The following ME1 variants were observed in gnomAD, a reference collection of about 807,000 sequenced individuals.
The protein encoded by ME1 is NADP-dependent malic enzyme.
In ME1, 74 loss-of-function variants were observed where a neutral mutation model predicts 66.4. The ratio of observed to expected loss-of-function variants is 1.11; its 90% CI spans 0.92 to 1.35. The LOEUF is 1.35. Ranked by LOEUF, ME1 falls within the 40% of genes most tolerant of loss-of-function variation. The probability of loss-of-function intolerance (pLI) is 0.00; values close to 1 mark genes in which losing one functional copy is unlikely to be tolerated. For synonymous variants in ME1, 251 were observed against 235.6 expected (o/e 1.07, Z -0.60); for missense variants, 750 against 694.1 (o/e 1.08, Z -0.90).
rs534441170 is a variant in ME1, at chr6:83,376,057, T to C, written c.362+22310A>G. Reference sequence around the variant, plus strand: ...TATATTATACTGCTTTATTACAAATTAACAAATGAGAAACAATTATCTTGT... The same window carrying C: ...TATATTATACTGCTTTATTACAAATCAACAAATGAGAAACAATTATCTTGT... On this transcript the variant is annotated intron_variant, in intron 3 of 13. Transcript: ENST00000369705. 3.9e-5 allele frequency among the ~76,000 whole-genome samples: 6 copies of C among 152,326 alleles called. No homozygotes were observed. The South Asian group carries it at 1.2e-3, about 32-fold the overall frequency.
At chr6:83,250,161 A>G (rs1790697929) in intron 7 of ME1, among the ~76,000 whole-genome samples, 1 of 150,798 alleles carries the variant, frequency 6.6e-6, no homozygotes. Context: ...GTTCTCTACA[A>G]TAGTTCTTTC....
chr6:83,287,911 T>A (rs1292415101), intron 6 of ME1, among the ~76,000 whole-genome samples: 2 of 152,230 alleles, frequency 1.3e-5, no homozygotes, highest in Non-Finnish European at 2.9e-5. Flanking sequence ...CCAGTTATAA[T>A]GAGCATTTTT....
intron 1 of ME1, among the ~76,000 whole-genome samples, chr6:83,429,588 A>G (rs537224487): frequency 6.6e-6 from 1 of 152,322 alleles, no homozygotes; most frequent in African/African-American, 2.4e-5. Context: ...TAGCAATTAA[A>G]TTTATTTTAA....
rs982998498 is a variant in ME1 at position 83,253,550 on chromosome 6, A to G, written c.814+79T>C. ...TTTAAAAGGTACTCAGTATATATTG[A>G]TTGAATTTGAATCATTATTACAATT... is the stretch of plus-strand genomic sequence containing the variant. On this transcript the variant is annotated intron_variant, in intron 7 of 13. Transcript: ENST00000369705. 7 of 758,466 alleles carry G rather than the reference A, an allele frequency of 9.2e-6. No individual in the cohort carries two copies. In the Admixed American group the frequency reaches 1.3e-4, roughly 14 times the overall value. 47.0% of individuals were successfully genotyped at this position (758,466 alleles called of 1,614,324 possible). A position where few individuals can be genotyped will look rare whatever the true frequency, so the allele number is the denominator to read the frequency against.
chr6:83,391,948 C>T (rs1379771424), intron 3 of ME1, among the ~76,000 whole-genome samples: 1 of 152,236 alleles, frequency 6.6e-6, no homozygotes, highest in Non-Finnish European at 1.5e-5. Flanking sequence ...TTTTCCTGTT[C>T]TCTTTCTCCA....
At chr6:83,342,127 T>G (rs1187938927) in intron 5 of ME1, among the ~76,000 whole-genome samples, 1 of 152,140 alleles carries the variant, frequency 6.6e-6, no homozygotes, top group Non-Finnish European at 1.5e-5. Flanking sequence ...TCAGACTGAT[T>G]GCAGGCCACC....
chr6:83,388,091 C>CTTTCTTTTTTTTTTT (rs71545856), intron 3 of ME1, among the ~76,000 whole-genome samples: 72 of 133,400 alleles, frequency 5.4e-4, no homozygotes, highest in African/African-American at 1.9e-3. Context: ...TCCTTCCTTC[C>CTTTCTTTTTTTTTTT]TTTTTTTTTT....
At chr6:83,225,106 G>T (rs756308137) in intron 11 of ME1, among the ~76,000 whole-genome samples, 3 of 150,966 alleles carry the variant, frequency 2.0e-5, no homozygotes, top group Middle Eastern at 3.4e-3. Flanking sequence ...GGAAGCTGAG[G>T]CAGGAGAACT....
At chr6:83,386,822 T>G (rs1769512386) in intron 3 of ME1, among the ~76,000 whole-genome samples, 2 of 150,392 alleles carry the variant, frequency 1.3e-5, no homozygotes, top group African/African-American at 2.5e-5. Context: ...CCCAGAGAGC[T>G]CTCTGCTTTC....
chr6:83,247,228 T>C (rs1790640739), intron 7 of ME1, among the ~76,000 whole-genome samples: 1 of 152,114 alleles, frequency 6.6e-6, no homozygotes, highest in South Asian at 2.1e-4. Flanking sequence ...GAAAAATTTC[T>C]TTTTGTAGCT....
chr6:83,348,022 T>C (rs1768722184), intron 4 of ME1, among the ~76,000 whole-genome samples: 1 of 152,216 alleles, frequency 6.6e-6, no homozygotes, highest in Non-Finnish European at 1.5e-5. Flanking sequence ...TAATTTCCTG[T>C]TCACCTATAT....
intron 3 of ME1, among the ~76,000 whole-genome samples, chr6:83,382,026 T>C (rs940536482): frequency 5.9e-5 from 9 of 152,176 alleles, no homozygotes; most frequent in Middle Eastern, 3.4e-3. Context: ...TCAAAGGTTT[T>C]TATTTTTTCC....
At chr6:83,392,376 G>C in intron 3 of ME1, 2 of 502,144 alleles carry the variant, frequency 4.0e-6, no homozygotes, top group South Asian at 2.8e-5. Context: ...AACAACAGCT[G>C]CATCTTCTCG....
At position 83,237,776 on chromosome 6, in the gene ME1, G is replaced by A. The variant is rs142932433; in HGVS notation, c.967C>T (p.Pro323Ser). Residue 323 changes from proline (P) to serine (S), a missense_variant, in exon 9 of 14, where the codon CCA (proline) becomes TCA (serine). Physicochemically the swap from Pro to Ser is moderately conservative, Grantham distance 74. Coordinates refer to ENST00000369705, the MANE Select transcript of ME1 (RefSeq NM_002395.6). ...IVMALEKEGL[P>S]KEKAIKKIWL... ...ATCTTTTTGATGGCTTTCTCTTTTG[G>A]TAAACCTTCTTTTTCCAAGGCCATC... 1.4e-4 allele frequency: 220 copies of A among 1,607,822 alleles called. No individual in the cohort carries two copies. In the Admixed American group the frequency reaches 2.1e-3, roughly 15 times the overall value.
rs1766953299 is a variant in ME1 at position 83,264,536 on chromosome 6, T to G, written c.705-10798A>C. Among the ~76,000 whole-genome samples, 3 of 152,208 alleles carry G rather than the reference T, an allele frequency of 2.0e-5. No individual in the cohort carries two copies. The South Asian group carries it at 6.2e-4, about 32-fold the overall frequency. On this transcript the variant is annotated intron_variant, in intron 6 of 13. Coordinates refer to ENST00000369705, the MANE Select transcript of ME1 (RefSeq NM_002395.6). ...TCTGGAAAGGGTTTACCATTCTAGATGTCCCTAAGAACATTTGTGATTCAT... is the reference window on the plus strand; with the variant it reads ...TCTGGAAAGGGTTTACCATTCTAGAGGTCCCTAAGAACATTTGTGATTCAT...
At chr6:83,406,061 G>C (rs1446340969) in intron 2 of ME1, among the ~76,000 whole-genome samples, 2 of 152,124 alleles carry the variant, frequency 1.3e-5, no homozygotes, top group African/African-American at 4.8e-5. Flanking sequence ...TTTGTCAAAG[G>C]CCTTTTCTGC....
intron 3 of ME1, among the ~76,000 whole-genome samples, chr6:83,384,750 A>G (rs933930689): frequency 3.3e-5 from 5 of 151,870 alleles, no homozygotes; most frequent in Middle Eastern, 3.4e-3. Context: ...GTTTTCTTCT[A>G]GTGTTTTATA....
At chr6:83,408,821 A>T (rs1314843590) in intron 1 of ME1, among the ~76,000 whole-genome samples, 1 of 152,210 alleles carries the variant, frequency 6.6e-6, no homozygotes, top group Non-Finnish European at 1.5e-5. Flanking sequence ...GAAGCCCAAG[A>T]GACTTCTTTA....
At chr6:83,421,311 T>A (rs1328669142) in intron 1 of ME1, among the ~76,000 whole-genome samples, 2 of 152,144 alleles carry the variant, frequency 1.3e-5, no homozygotes, top group African/African-American at 2.4e-5. Context: ...TGGGAACCAA[T>A]TGCCTGGTAT....
Sources: allele counts gnomAD v4.1 joint callset (sites outside exome capture counted in the v4.1 genomes callset), GRCh38; gene constraint gnomAD v4.1.1; transcripts MANE v1.5; gene names NCBI Gene and HGNC (gene_info 2026-07-23, HGNC 2026-07-21).